Variants in SRPK2 observed in about 807,000 individuals in gnomAD.
SRPK2 encodes SFRS protein kinase 2.
A neutral mutation model predicts 90.8 loss-of-function variants in SRPK2; 21 were observed. That is an observed-to-expected ratio of 0.23 (90% confidence interval 0.16 to 0.33). The LOEUF is 0.33. Among genes scored for constraint, SRPK2 ranks in the 10% least tolerant of loss-of-function variants. The pLI, the probability that SRPK2 is intolerant of heterozygous loss-of-function variation, is 1.00. For missense variants in SRPK2, 620 were observed against 869.0 expected (o/e 0.71, Z 3.60); for synonymous variants, 288 against 311.1 (o/e 0.93, Z 0.78).
upstream of SRPK2, among the ~76,000 whole-genome samples, chr7:105,389,084 C>G (rs1338616193): frequency 7.2e-6 from 1 of 138,460 alleles, no homozygotes; most frequent in African/African-American, 2.6e-5. Context: ...GCAGAAGTGG[C>G]CGCCGCCCAT....
At chr7:105,287,643 G>A (rs1456093675) in intron 2 of SRPK2, among the ~76,000 whole-genome samples, 1 of 152,116 alleles carries the variant, frequency 6.6e-6, no homozygotes, top group Non-Finnish European at 1.5e-5. Context: ...GGCTGAGGTA[G>A]GAGAATCGCT....
At chr7:105,254,706 T>C (rs1339997123) in intron 2 of SRPK2, among the ~76,000 whole-genome samples, 1 of 152,086 alleles carries the variant, frequency 6.6e-6, no homozygotes, top group African/African-American at 2.4e-5. Context: ...TGTTGTTGTT[T>C]TGAGACAGAG....
At chr7:105,283,836 CA>C (rs540422830) in intron 2 of SRPK2, among the ~76,000 whole-genome samples, 2 of 146,738 alleles carry the variant, frequency 1.4e-5, no homozygotes, top group Admixed American at 6.8e-5. Flanking sequence ...ACAAAAAATA[CA>C]AAAAAAAAAC....
intron 6 of SRPK2, 35 bp downstream of exon 6, chr7:105,167,342 G>A: frequency 6.4e-7 from 1 of 1,553,044 alleles, no homozygotes; most frequent in African/African-American, 1.4e-5. Context: ...TTTTTAAAAG[G>A]TAAAAATACA....
chr7:105,158,028 G>A (rs1186828736), intron 7 of SRPK2, among the ~76,000 whole-genome samples: 1 of 152,138 alleles, frequency 6.6e-6, no homozygotes, highest in African/African-American at 2.4e-5. Context: ...ACTGACCAGT[G>A]CACTCCAGCC....
At chr7:105,206,303 G>A (rs1796232252) in intron 2 of SRPK2, 1 of 194,246 alleles carries the variant, frequency 5.1e-6, no homozygotes, top group Non-Finnish European at 1.1e-5. Flanking sequence ...GTAGACTGCA[G>A]TATGGAGAAG....
rs1189395100 is a variant in SRPK2, at chr7:105,317,103, CCTT to C, written c.71+71542_71+71544del. Among the ~76,000 whole-genome samples the C allele has an allele frequency of 7.9e-5, 12 of 152,294 alleles. No individual in the cohort carries two copies. The East Asian group carries it at 2.3e-3, about 29-fold the overall frequency. On this transcript the variant is annotated intron_variant, in intron 2 of 15. Coordinates refer to ENST00000393651, the MANE Select transcript of SRPK2 (RefSeq NM_182692.3). ...CAGTTCTCAAAGTGTGGTTCACAAA[CCTT>C]CAGAAGTCTCCAAGATCAAACCTAT...
At chr7:105,140,095 T>C (rs1453203308) in intron 11 of SRPK2, among the ~76,000 whole-genome samples, 3 of 152,188 alleles carry the variant, frequency 2.0e-5, no homozygotes, top group African/African-American at 7.2e-5. Context: ...GTTGTTATAC[T>C]GTATTGTTTA....
chr7:105,394,014 T>C (rs572117218), upstream of SRPK2, among the ~76,000 whole-genome samples: 20 of 152,290 alleles, frequency 1.3e-4, no homozygotes, highest in South Asian at 3.5e-3. Context: ...AACTTTCCCC[T>C]GCACTAGGCC....
At chr7:105,332,071 G>C (rs1814485865) in intron 2 of SRPK2, among the ~76,000 whole-genome samples, 2 of 152,164 alleles carry the variant, frequency 1.3e-5, no homozygotes, top group Non-Finnish European at 2.9e-5. Flanking sequence ...GCAGGTAAAA[G>C]AGGACCAACC....
rs141572914 is a variant in SRPK2 at position 105,373,681 on chromosome 7, A to G, written c.71+14967T>C. Among the ~76,000 whole-genome samples the G allele has an allele frequency of 4.7e-3, 713 of 151,338 alleles. 11 individuals carry two copies. The East Asian group carries it at 0.056, about 12-fold the overall frequency. On this transcript the variant is annotated intron_variant, in intron 2 of 15. Coordinates refer to ENST00000393651, the MANE Select transcript of SRPK2 (RefSeq NM_182692.3). ...GCCTCCCAAAGTGCTGGGATTACAG[A>G]TGTGGGCCACCGCGCCTGGCTCACA...
chr7:105,205,509 TCTCTCTCTCACACACACACA>T (rs1385010392), intron 2 of SRPK2, among the ~76,000 whole-genome samples: 1 of 67,334 alleles, frequency 1.5e-5, no homozygotes, highest in South Asian at 5.1e-4. Context: ...TCTCTCTCTC[TCTCTCTCTCACACACACACA>T]CACACACACA....
intron 2 of SRPK2, chr7:105,301,946 G>A (rs1810601129): frequency 1.2e-6 from 2 of 1,609,134 alleles, no homozygotes; most frequent in Non-Finnish European, 1.7e-6. Context: ...TAAGAAAAAA[G>A]ACAAAAAAGA....
chr7:105,215,023 G>C (rs979572189), intron 2 of SRPK2, among the ~76,000 whole-genome samples: 1 of 152,222 alleles, frequency 6.6e-6, no homozygotes, highest in Non-Finnish European at 1.5e-5. Flanking sequence ...TGAGGGTCCA[G>C]AGATAAAGCC....
At chr7:105,308,642 C>T (rs182555156) in intron 2 of SRPK2, among the ~76,000 whole-genome samples, 1 of 152,176 alleles carries the variant, frequency 6.6e-6, no homozygotes, top group Non-Finnish European at 1.5e-5. Flanking sequence ...ACACCTAAAG[C>T]TTTAATGTAT....
chr7:105,264,936 CT>C (rs1804834428), intron 2 of SRPK2, among the ~76,000 whole-genome samples: 1 of 152,150 alleles, frequency 6.6e-6, no homozygotes, highest in South Asian at 2.1e-4. Context: ...CTGGGCTCAA[CT>C]TTCTTTACTG....
intron 13 of SRPK2, among the ~76,000 whole-genome samples, chr7:105,130,690 G>C (rs552542846): frequency 6.6e-6 from 1 of 151,486 alleles, no homozygotes; most frequent in African/African-American, 2.4e-5. Context: ...AGAACGATGA[G>C]GTAAGAAAAA....
At chr7:105,338,060 C>T (rs1815311548) in intron 2 of SRPK2, among the ~76,000 whole-genome samples, 1 of 137,274 alleles carries the variant, frequency 7.3e-6, no homozygotes, top group Non-Finnish European at 1.5e-5. Context: ...TTAAAAAAAA[C>T]TTTAAAAAAG....
chr7:105,287,148 C>G (rs1395377260), intron 2 of SRPK2, among the ~76,000 whole-genome samples: 2 of 149,004 alleles, frequency 1.3e-5, no homozygotes, highest in Non-Finnish European at 3.0e-5. Context: ...GTAGTCCCAG[C>G]TACTTGGGAG....
Sources: allele counts gnomAD v4.1 joint callset (sites outside exome capture counted in the v4.1 genomes callset), GRCh38; gene constraint gnomAD v4.1.1; transcripts MANE v1.5; gene names NCBI Gene and HGNC (gene_info 2026-07-23, HGNC 2026-07-21).